ASCC3: variants seen among roughly 807,000 people sequenced by gnomAD.
ASCC3 encodes activating signal cointegrator 1 complex subunit 3.
Under a neutral mutation model 256.3 loss-of-function variants are expected in ASCC3, and 158 were observed. That is an observed-to-expected ratio of 0.62 (90% CI 0.54 to 0.70). The LOEUF is 0.70. Ranked by LOEUF, ASCC3 falls within the 30% of genes least tolerant of loss-of-function variation. ASCC3 has a pLI of 0.00. For synonymous variants in ASCC3, 948 were observed against 883.4 expected, an observed-to-expected ratio of 1.07 and a Z score of -1.30; for missense variants, 2,259 against 2,626.0, an observed-to-expected ratio of 0.86 and a Z score of 3.05.
At chr6:100,559,849 CAA>C (rs35881747) in intron 36 of ASCC3, among the ~76,000 whole-genome samples, 3 of 116,808 alleles carry the variant, frequency 2.6e-5, no homozygotes, top group Non-Finnish European at 3.5e-5. Context: ...GACTCCATCT[CAA>C]AAAAAAAAAA....
At chr6:100,622,813 A>T (rs1562174674) in intron 30 of ASCC3, among the ~76,000 whole-genome samples, 1 of 151,668 alleles carries the variant, frequency 6.6e-6, no homozygotes, top group South Asian at 2.1e-4. Flanking sequence ...TTCTGCCGAT[A>T]AAAAAAATAT....
intron 1 of ASCC3, among the ~76,000 whole-genome samples, chr6:100,879,926 A>G (rs1309173579): frequency 3.9e-5 from 6 of 152,198 alleles, no homozygotes; most frequent in African/African-American, 1.4e-4. Flanking sequence ...ATGGCATGAG[A>G]AAGAACCCTA....
chr6:100,738,516 A>C (rs1780286805), intron 10 of ASCC3, among the ~76,000 whole-genome samples: 1 of 152,296 alleles, frequency 6.6e-6, no homozygotes, highest in East Asian at 1.9e-4. Context: ...TTTGAAGATC[A>C]GATGGTTGTA....
At chr6:100,615,818 A>G (rs1773640587) in intron 30 of ASCC3, among the ~76,000 whole-genome samples, 1 of 152,218 alleles carries the variant, frequency 6.6e-6, no homozygotes, top group African/African-American at 2.4e-5. Context: ...TCAAACATTC[A>G]GTGCTCAGCA....
intron 4 of ASCC3, among the ~76,000 whole-genome samples, chr6:100,815,896 G>C (rs575233055): frequency 1.4e-4 from 22 of 152,084 alleles, no homozygotes; most frequent in Middle Eastern, 6.8e-3. Flanking sequence ...AAAAGCAATT[G>C]CAAAAATTGA....
intron 17 of ASCC3, 76 bp from the exon 18 acceptor site, chr6:100,652,965 A>C: frequency 2.1e-6 from 3 of 1,397,792 alleles, no homozygotes; most frequent in Non-Finnish European, 2.0e-6. Flanking sequence ...TTATTTATGG[A>C]AATTAAAACT....
chr6:100,536,047 GTGAC>G (rs1428195585), intron 37 of ASCC3, among the ~76,000 whole-genome samples: 1 of 152,080 alleles, frequency 6.6e-6, no homozygotes, highest in African/African-American at 2.4e-5. Flanking sequence ...TAAGAAAAAA[GTGAC>G]TGTGCGTGTA....
chr6:100,524,398 T>C (rs997459843), intron 37 of ASCC3, among the ~76,000 whole-genome samples: 13 of 152,160 alleles, frequency 8.5e-5, no homozygotes, highest in African/African-American at 3.1e-4. Context: ...ATCTTGACAT[T>C]TGATCTTCAG....
Position 100,607,072 on chromosome 6 carries a change from G to A in ASCC3, c.4802C>T (p.Ala1601Val), listed in dbSNP as rs1772929837. ...CTTGAGGTTGGAATCTCTTACTGTT[G>A]CAATGATGTTCTCCATCTGCAAGTA... The part of the protein sequence containing the change: ...MDEREMENII[A>V]TVRDSNLKLT... Residue 1601 changes from alanine to valine, a missense_variant, in exon 31 of 42, where the codon GCA (alanine) becomes GTA (valine). Ala to Val is a moderately conservative substitution (Grantham distance 64, BLOSUM62 0). Coordinates refer to ENST00000369162, the MANE Select transcript of ASCC3 (RefSeq NM_006828.4). 1 of 1,613,550 alleles carries A rather than the reference G, an allele frequency of 6.2e-7. No individual in the cohort carries two copies. The highest frequency in any genetic ancestry group is 8.5e-7 in the Non-Finnish European group (1 of 1,179,736).
At chr6:100,772,354 T>C (rs1781980526) in intron 8 of ASCC3, among the ~76,000 whole-genome samples, 1 of 152,148 alleles carries the variant, frequency 6.6e-6, no homozygotes, top group African/African-American at 2.4e-5. Context: ...AACATGAATA[T>C]GAATGCTCAT....
At chr6:100,740,733 C>G (rs540147779) in intron 10 of ASCC3, among the ~76,000 whole-genome samples, 2 of 152,228 alleles carry the variant, frequency 1.3e-5, no homozygotes, top group East Asian at 3.9e-4. Flanking sequence ...GGAATGGCAA[C>G]CCCTGCTTTT....
At chr6:100,572,607 T>C (rs1400536176) in intron 36 of ASCC3, among the ~76,000 whole-genome samples, 1 of 152,088 alleles carries the variant, frequency 6.6e-6, no homozygotes, top group Non-Finnish European at 1.5e-5. Context: ...CTTATAAAAG[T>C]AGTATTATAT....
intron 9 of ASCC3, 86 bp from the exon 10 acceptor site, chr6:100,766,791 T>A (rs1364619632): frequency 6.6e-7 from 1 of 1,507,068 alleles, no homozygotes; most frequent in Non-Finnish European, 9.2e-7. Flanking sequence ...TCACAATTTA[T>A]TGTGAAATAT....
chr6:100,687,548 A>G (rs891497163), intron 13 of ASCC3, among the ~76,000 whole-genome samples: 1 of 151,984 alleles, frequency 6.6e-6, no homozygotes, highest in Non-Finnish European at 1.5e-5. Flanking sequence ...ATAATTAAAT[A>G]TATAAATTAT....
At chr6:100,786,818 T>A (rs1003107891) in intron 8 of ASCC3, among the ~76,000 whole-genome samples, 1 of 152,124 alleles carries the variant, frequency 6.6e-6, no homozygotes, top group African/African-American at 2.4e-5. Context: ...CTTCAGATGA[T>A]ATACCAGAGG....
chr6:100,713,178 C>T (rs780562188), intron 13 of ASCC3, among the ~76,000 whole-genome samples: 4 of 152,076 alleles, frequency 2.6e-5, no homozygotes, highest in Non-Finnish European at 4.4e-5. Context: ...ACCAATATGT[C>T]CTTTGGCAGG....
At chr6:100,838,370 T>C (rs1481328157) in intron 4 of ASCC3, among the ~76,000 whole-genome samples, 2 of 152,174 alleles carry the variant, frequency 1.3e-5, no homozygotes, top group South Asian at 2.1e-4. Context: ...TAAAACTTTA[T>C]AAATTATTCT....
intron 30 of ASCC3, among the ~76,000 whole-genome samples, chr6:100,621,298 T>C (rs947809166): frequency 6.6e-6 from 1 of 152,170 alleles, no homozygotes; most frequent in Non-Finnish European, 1.5e-5. Flanking sequence ...TTTAAATAAA[T>C]AGTACATTTA....
At chr6:100,588,030 T>C (rs551560826) in intron 36 of ASCC3, among the ~76,000 whole-genome samples, 1 of 152,268 alleles carries the variant, frequency 6.6e-6, no homozygotes, top group East Asian at 1.9e-4. Flanking sequence ...CCTAATTATG[T>C]GCATGTGTGC....
Sources: allele counts gnomAD v4.1 joint callset (sites outside exome capture counted in the v4.1 genomes callset), GRCh38; gene constraint gnomAD v4.1.1; transcripts MANE v1.5; gene names NCBI Gene and HGNC (gene_info 2026-07-23, HGNC 2026-07-21).